Variants in ADCY2 observed in about 807,000 individuals in gnomAD.
ADCY2 encodes the protein adenylate cyclase type 2.
Under a neutral mutation model 125.2 loss-of-function variants are expected in ADCY2, and 31 were observed. The ratio of observed to expected loss-of-function variants is 0.25; its 90% confidence interval spans 0.19 to 0.33. ADCY2 has a LOEUF of 0.33. ADCY2 is among the 10% of genes least tolerant of loss of function. ADCY2 has a pLI of 1.00. For synonymous variants in ADCY2, 512 were observed against 548.4 expected (o/e 0.93, Z 0.93); for missense variants, 904 against 1,418.2 (o/e 0.64, Z 5.82).
intron 4 of ADCY2, among the ~76,000 whole-genome samples, chr5:7,643,197 C>T (rs753488504): frequency 1.3e-5 from 2 of 151,848 alleles, no homozygotes; most frequent in Non-Finnish European, 2.9e-5. Context: ...GTTTTCTCTG[C>T]AGTTTCTAAA....
intron 3 of ADCY2, among the ~76,000 whole-genome samples, chr5:7,556,578 T>C (rs1386276025): frequency 1.3e-5 from 2 of 152,212 alleles, no homozygotes; most frequent in South Asian, 2.1e-4. Context: ...TTTTCCATTA[T>C]GGCTTATGCT....
At chr5:7,668,830 G>A (rs1280013187) in intron 4 of ADCY2, among the ~76,000 whole-genome samples, 2 of 152,176 alleles carry the variant, frequency 1.3e-5, no homozygotes, top group Non-Finnish European at 1.5e-5. Context: ...GATGTGAAGT[G>A]TGATGAGGAT....
intron 3 of ADCY2, among the ~76,000 whole-genome samples, chr5:7,581,422 A>G (rs1736427689): frequency 6.6e-6 from 1 of 152,166 alleles, no homozygotes; most frequent in Non-Finnish European, 1.5e-5. Flanking sequence ...AACTTTAATC[A>G]CTAGAGCAAT....
Position 7,613,050 on chromosome 5 carries a change from C to T in ADCY2, c.571-13117C>T, listed in dbSNP as rs565848744. On this transcript the variant is annotated intron_variant, in intron 3 of 24. Coordinates refer to ENST00000338316, the MANE Select transcript of ADCY2 (RefSeq NM_020546.3). ...CTGACTCAAAAAAATATATATATACCTAATGTAAATGATGAGTTAATGGGT... is the reference window on the plus strand; with the variant it reads ...CTGACTCAAAAAAATATATATATACTTAATGTAAATGATGAGTTAATGGGT... Among the ~76,000 whole-genome samples, 289 of 151,918 alleles carry T rather than the reference C, an allele frequency of 1.9e-3. 1 individual carries two copies. Among genetic ancestry groups the T allele is most frequent in the Non-Finnish European group, 3.5e-3 (237 of 67,968 alleles).
intron 4 of ADCY2, among the ~76,000 whole-genome samples, chr5:7,653,193 C>G (rs1270249686): frequency 1.4e-4 from 21 of 152,214 alleles, no homozygotes; most frequent in Admixed American, 1.4e-3. Flanking sequence ...TTTCAAAATA[C>G]TTCCTTTTCT....
chr5:7,752,448 C>A (rs189701474), intron 15 of ADCY2, among the ~76,000 whole-genome samples: 5 of 150,984 alleles, frequency 3.3e-5, no homozygotes, highest in Admixed American at 2.7e-4. Flanking sequence ...TGCTTCTCAG[C>A]CACTCTGATA....
At chr5:7,818,865 A>G (rs540199534) in intron 23 of ADCY2, among the ~76,000 whole-genome samples, 1 of 152,304 alleles carries the variant, frequency 6.6e-6, no homozygotes, top group African/African-American at 2.4e-5. Context: ...AATGTATTAC[A>G]TGGGTGTATT....
intron 15 of ADCY2, among the ~76,000 whole-genome samples, chr5:7,746,492 C>G (rs1372113856): frequency 6.6e-6 from 1 of 152,230 alleles, no homozygotes; most frequent in Non-Finnish European, 1.5e-5. Flanking sequence ...CTTAAGTGCA[C>G]TCTGCACTCT....
chr5:7,712,972 TTA>T lies in ADCY2; in HGVS notation c.1622+75_1622+76del. On this transcript the variant is annotated intron_variant, in intron 11 of 24. Coordinates refer to ENST00000338316, the MANE Select transcript of ADCY2 (RefSeq NM_020546.3). ...CATTTCTGAGAGTAATTATCATCAATTATGGTAATTTCAAGGGCTACTTCTGA... is the reference window on the plus strand; with the variant it reads ...CATTTCTGAGAGTAATTATCATCAATTGGTAATTTCAAGGGCTACTTCTGA... 3.4e-6 allele frequency: 4 copies of T among 1,173,220 alleles called. No homozygotes were observed. The Admixed American group carries it at 5.7e-5, about 17-fold the overall frequency. The allele number at this position is 1,173,220 out of a possible 1,614,324, so 72.7% of individuals were successfully genotyped here. A position where few individuals can be genotyped will look rare whatever the true frequency, so the allele number is the denominator to read the frequency against.
chr5:7,672,686 A>G (rs573375109), intron 4 of ADCY2, among the ~76,000 whole-genome samples: 1 of 152,320 alleles, frequency 6.6e-6, no homozygotes, highest in Admixed American at 6.5e-5. Flanking sequence ...AACTAAATAT[A>G]TGTATCTTAT....
chr5:7,448,679 T>C (rs1328245387), intron 2 of ADCY2, among the ~76,000 whole-genome samples: 1 of 152,122 alleles, frequency 6.6e-6, no homozygotes, highest in East Asian at 1.9e-4. Flanking sequence ...CCCCCACATG[T>C]GTCCATGTGT....
chr5:7,568,574 T>C (rs763588181), intron 3 of ADCY2, among the ~76,000 whole-genome samples: 1 of 152,170 alleles, frequency 6.6e-6, no homozygotes, highest in Admixed American at 6.6e-5. Flanking sequence ...GAGGTGTTGA[T>C]GCATGACCAT....
chr5:7,510,997 C>T (rs541657080), intron 2 of ADCY2, among the ~76,000 whole-genome samples: 12 of 152,274 alleles, frequency 7.9e-5, no homozygotes, highest in African/African-American at 2.4e-4. Context: ...TGGACTTCCA[C>T]GTTGCTGAGA....
At chr5:7,428,227 C>A (rs373362200) in intron 2 of ADCY2, among the ~76,000 whole-genome samples, 2 of 152,158 alleles carry the variant, frequency 1.3e-5, no homozygotes, top group East Asian at 1.9e-4. Context: ...GCAAAAAATT[C>A]ATACTAGCAG....
At chr5:7,708,787 G>C (rs372643273) in intron 9 of ADCY2, among the ~76,000 whole-genome samples, 1 of 151,978 alleles carries the variant, frequency 6.6e-6, no homozygotes, top group Non-Finnish European at 1.5e-5. Flanking sequence ...ACGGGGGAAG[G>C]CTCAAAAAAT....
intron 11 of ADCY2, among the ~76,000 whole-genome samples, chr5:7,713,753 A>G (rs759909214): frequency 3.3e-5 from 5 of 152,164 alleles, no homozygotes; most frequent in Non-Finnish European, 7.3e-5. Flanking sequence ...AGTTAATCAA[A>G]TCAATATTAG....
At chr5:7,499,667 ATATATATATATATATG>A (rs1743486635) in intron 2 of ADCY2, among the ~76,000 whole-genome samples, 1 of 119,746 alleles carries the variant, frequency 8.4e-6, no homozygotes, top group South Asian at 2.4e-4. Context: ...ATATATATAT[ATATATATATATATATG>A]TATATATATG....
In ADCY2 at chr5:7,802,278, A is replaced by G; in HGVS notation, c.2689A>G (p.Lys897Glu). The G allele has an allele frequency of 5.0e-6, 8 of 1,614,170 alleles. No homozygotes were observed. Among genetic ancestry groups the G allele is most frequent in the Non-Finnish European group, 6.8e-6 (8 of 1,180,002 alleles). The part of the protein sequence containing the change: ...CVMFASIPDF[K>E]EFYTESDVNK... Reference sequence around the variant, plus strand: ...CATGTTTGCCTCCATTCCGGATTTCAAAGAATTTTATACAGAATCCGACGT... The same window carrying G: ...CATGTTTGCCTCCATTCCGGATTTCGAAGAATTTTATACAGAATCCGACGT... The change falls in exon 21 of 25, where the codon AAA becomes GAA. Residue 897 changes from lysine (K) to glutamate (E), a missense_variant. Physicochemically the swap from Lys to Glu is moderately conservative, Grantham distance 56. Coordinates refer to ENST00000338316, the MANE Select transcript of ADCY2 (RefSeq NM_020546.3). The surrounding 1 kb of genome is among the most constrained non-coding windows in gnomAD (Gnocchi z 4.6).
At chr5:7,472,879 A>G (rs1742391019) in intron 2 of ADCY2, among the ~76,000 whole-genome samples, 1 of 151,946 alleles carries the variant, frequency 6.6e-6, no homozygotes, top group South Asian at 2.1e-4. Flanking sequence ...TCTCCTGTGT[A>G]CCCTTTCCCC....
Sources: gnomAD v4.1 joint callset for allele counts (sites outside exome capture counted in the v4.1 genomes callset) on GRCh38, gnomAD v4.1.1 for gene constraint, Gnocchi (gnomAD v3.1) non-coding constraint, MANE v1.5 for transcripts, NCBI Gene and HGNC (gene_info 2026-07-23, HGNC 2026-07-21) for gene names.